NPHP3: variants seen among roughly 807,000 people sequenced by gnomAD.
NPHP3 encodes nephrocystin 3.
Under a neutral mutation model 171.9 loss-of-function variants are expected in NPHP3, and 123 were observed. That is an observed-to-expected ratio of 0.72 (90% confidence interval 0.62 to 0.83). The LOEUF (loss-of-function observed/expected upper bound fraction) is 0.83, where lower values mean the gene tolerates loss of function less well. Among genes scored for constraint, NPHP3 ranks in the 40% least tolerant of loss-of-function variants. The pLI is 0.00. For synonymous variants in NPHP3, 558 were observed against 579.2 expected (o/e 0.96, Z 0.52); for missense variants, 1,506 against 1,591.9 (o/e 0.95, Z 0.92).
intron 19 of NPHP3, among the ~76,000 whole-genome samples, chr3:132,689,609 C>T (rs187654995): frequency 3.3e-5 from 5 of 152,278 alleles, no homozygotes; most frequent in African/African-American, 1.2e-4. Context: ...GGGAATCTAT[C>T]TGAATCCTTT....
rs757866045 is a variant in NPHP3, at chr3:132,697,354, G to A, written c.1994C>T (p.Pro665Leu). The A allele has an allele frequency of 6.2e-7, 1 of 1,605,414 alleles. No individual in the cohort carries two copies. The highest frequency in any genetic ancestry group is 1.1e-5 in the South Asian group (1 of 90,870). The change falls in exon 14 of 27, where the codon CCT (proline) becomes CTT (leucine). Residue 665 changes from proline (P) to leucine (L), a missense_variant. Physicochemically the swap from Pro to Leu is moderately conservative, Grantham distance 98 (BLOSUM62 -3). Around this residue, in one of 3 missense-constraint regions of NPHP3, gnomAD observed 930 missense variants for 924.9 expected, o/e 1.01. Transcript: ENST00000337331. Reference sequence around the variant, plus strand: ...ACTTAAGGGATCAAGATGAAGTGTAGGCCACAACCTTTTATGTAAAGAAAA... The same window carrying A: ...ACTTAAGGGATCAAGATGAAGTGTAAGCCACAACCTTTTATGTAAAGAAAA... Reference protein sequence around the residue: ...ETCPPAWRLWPTLHLDPLSPK... With the variant: ...ETCPPAWRLWLTLHLDPLSPK...
intron 6 of NPHP3, among the ~76,000 whole-genome samples, chr3:132,711,157 G>C (rs73001974): frequency 0.021 from 3,247 of 152,298 alleles, 123 homozygotes; most frequent in African/African-American, 0.074. Flanking sequence ...GGATGGGGTA[G>C]TCATCAGGGT....
intron 6 of NPHP3, chr3:132,712,438 A>C (rs1008181249): frequency 2.2e-5 from 10 of 456,906 alleles, no homozygotes; most frequent in African/African-American, 2.0e-4. Context: ...GTAAAGATTC[A>C]ACTTTGCTAT....
In NPHP3 at chr3:132,696,595, T is replaced by C. The variant is rs576877973; in HGVS notation, c.2171+136A>G. ...CTGTAAGCCATGTTCTCACAAATGT[T>C]AGTATCACTATTCAAATAAAATCTG... On this transcript the variant is annotated intron_variant, in intron 15 of 26. Transcript: ENST00000337331. 134 of 770,036 alleles carry C rather than the reference T, an allele frequency of 1.7e-4. No individual in the cohort carries two copies. The South Asian group carries it at 1.8e-3, about 10-fold the overall frequency. 47.7% of individuals were successfully genotyped at this position (770,036 alleles called of 1,614,324 possible).
In NPHP3 at chr3:132,695,134, T is replaced by C. The variant is rs551854965; in HGVS notation, c.2172-169A>G. 6.1e-4 allele frequency: 378 copies of C among 616,834 alleles called. 1 individual carries two copies. Among genetic ancestry groups the C allele is most frequent in the Non-Finnish European group, 1.0e-3 (350 of 351,458 alleles). 38.2% of individuals were successfully genotyped at this position (616,834 alleles called of 1,614,324 possible). A position where few individuals can be genotyped will look rare whatever the true frequency, so the allele number is the denominator to read the frequency against. Reference sequence around the variant, plus strand: ...AGTTTTATGGGGCTGCTAGAGTCATTGGGTTTATTTTACTATATATAATTT... The same window carrying C: ...AGTTTTATGGGGCTGCTAGAGTCATCGGGTTTATTTTACTATATATAATTT... On this transcript the variant is annotated intron_variant, in intron 15 of 26. Transcript: ENST00000337331.
Position 132,713,211 on chromosome 3 carries a change from C to T in NPHP3, c.1033G>A (p.Val345Ile). The T allele has an allele frequency of 6.3e-7, 1 of 1,584,956 alleles. No individual in the cohort carries two copies. The highest frequency in any genetic ancestry group is 8.6e-7 in the Non-Finnish European group (1 of 1,157,750). ...FFHAVYFPID[V>I]ENQYLTVRKW... ...CTTACAGTGAGGTATTGATTTTCAA[C>T]ATCTATTGGAAAATAAACAGCATGG... is the stretch of plus-strand genomic sequence containing the variant. The change falls in exon 6 of 27, where the codon GTT becomes ATT. Residue 345 changes from valine to isoleucine, a missense_variant. This residue lies in a region of NPHP3 where 930 missense variants were observed against 924.9 expected (regional missense o/e 1.01). Transcript: ENST00000337331.
chr3:132,716,290 C>T (rs1940049891), intron 4 of NPHP3, among the ~76,000 whole-genome samples: 1 of 151,970 alleles, frequency 6.6e-6, no homozygotes, highest in African/African-American at 2.4e-5. Flanking sequence ...TTGTTATTTT[C>T]ATTGTTATTT....
In NPHP3 at chr3:132,696,736, G is replaced by T. The variant is rs368406864; in HGVS notation, c.2166C>A (p.Ile722=). Residue 722 remains isoleucine, a synonymous_variant, in exon 15 of 27, where the codon ATC becomes ATA. Coordinates refer to ENST00000337331, the MANE Select transcript of NPHP3 (RefSeq NM_153240.5). ...ALYVTLFGKM[I]ARAGRAGNLD... The stretch of plus-strand genomic sequence containing the variant: ...GTAAAATAATCACCACTCACCGCGC[G>T]ATCATTTTGCCGAAAAGGGTGACAT... 1.9e-6 allele frequency: 3 copies of T among 1,613,874 alleles called. No individual in the cohort carries two copies. Among genetic ancestry groups the T allele is most frequent in the African/African-American group, 2.7e-5 (2 of 75,020 alleles).
chr3:132,683,629 GA>G (rs200443262), intron 24 of NPHP3, 105 bp from the exon 25 acceptor site: 7 of 866,110 alleles, frequency 8.1e-6, no homozygotes, highest in South Asian at 3.4e-5. Flanking sequence ...AATTTTGAGG[GA>G]AAAAAATCTC....
intron 9 of NPHP3, among the ~76,000 whole-genome samples, chr3:132,702,965 C>T (rs1293300485): frequency 2.0e-5 from 3 of 152,190 alleles, no homozygotes; most frequent in African/African-American, 7.2e-5. Context: ...CGAGGTTCAA[C>T]TCCCAGATCT....
chr3:132,699,941 T>A lies in NPHP3; in HGVS notation c.1864A>T (p.Ile622Phe). 1 of 1,614,122 alleles carries A rather than the reference T, an allele frequency of 6.2e-7. No homozygotes were observed. The highest frequency in any genetic ancestry group is 8.5e-7 in the Non-Finnish European group (1 of 1,180,022). ...ARHQGSIIIV[I>F]DSIDQVQQVE... ...ACCTGAACTTGATCTATAGAATCAA[T>A]AACGATGATGATGCTGCCTTGATGA... The change falls in exon 12 of 27, where the codon ATT becomes TTT. Residue 622 changes from isoleucine to phenylalanine, a missense_variant. Coordinates refer to ENST00000337331, the MANE Select transcript of NPHP3 (RefSeq NM_153240.5).
chr3:132,722,230 G>C lies in NPHP3; in HGVS notation c.126C>G (p.Arg42=). The change falls in exon 1 of 27, where the codon CGC becomes CGG. Residue 42 remains arginine, a synonymous_variant. Coordinates refer to ENST00000337331, the MANE Select transcript of NPHP3 (RefSeq NM_153240.5). ...CCCCCGCGCCTCGGCGGAACGAGTT[G>C]CGCAGCAGGCGGGCCTTGGGCTTCA... is the stretch of plus-strand genomic sequence containing the variant. ...VEVKPKARLL[R]NSFRRGAGAA... The C allele has an allele frequency of 1.3e-6, 2 of 1,553,748 alleles. No homozygotes were observed. The highest frequency in any genetic ancestry group is 1.8e-4 in the Middle Eastern group (1 of 5,416).
intron 7 of NPHP3, among the ~76,000 whole-genome samples, chr3:132,706,478 T>C (rs1004132775): frequency 2.6e-5 from 4 of 151,960 alleles, no homozygotes; most frequent in Non-Finnish European, 4.4e-5. Context: ...TCAAAATGCA[T>C]CAAAATCCAA....
chr3:132,700,771 G>C (rs1239711568), intron 10 of NPHP3, among the ~76,000 whole-genome samples: 1 of 151,940 alleles, frequency 6.6e-6, no homozygotes, highest in Non-Finnish European at 1.5e-5. Flanking sequence ...AAATTTGTTA[G>C]ATACAAAAAT....
At chr3:132,721,861 G>T in intron 1 of NPHP3, 102 bp downstream of exon 1, 1 of 1,352,958 alleles carries the variant, frequency 7.4e-7, no homozygotes, top group Non-Finnish European at 1.0e-6. Context: ...AATTAAAATG[G>T]GCAGTTTCCG....
At chr3:132,711,360 C>T (rs1481414598) in intron 6 of NPHP3, among the ~76,000 whole-genome samples, 1 of 152,016 alleles carries the variant, frequency 6.6e-6, no homozygotes, top group Non-Finnish European at 1.5e-5. Flanking sequence ...AAATTAAAAT[C>T]CTCATTTCTT....
chr3:132,686,395 AAAC>A lies in NPHP3; in HGVS notation c.3202-11_3202-9del. 1 of 1,614,004 alleles carries A rather than the reference AAAC, an allele frequency of 6.2e-7. No individual in the cohort carries two copies. Among genetic ancestry groups the A allele is most frequent in the Non-Finnish European group, 8.5e-7 (1 of 1,179,922 alleles). ...TAAAAGGGCAAATCCGTACTGCAGC[AAAC>A]ATGAAAAATGAAAAGCAATCACTAA... On this transcript the variant is annotated splice_polypyrimidine_tract_variant and intron_variant, in intron 22 of 26. Transcript: ENST00000337331.
chr3:132,699,203 A>ATTTTTTTT, intron 13 of NPHP3, 150 bp downstream of exon 13: 4 of 625,142 alleles, frequency 6.4e-6, no homozygotes, highest in Admixed American at 2.6e-5. Flanking sequence ...TATAGATTGT[A>ATTTTTTTT]TTTTTTTTTC....
Position 132,684,632 on chromosome 3 carries a change from A to G in NPHP3, c.3492T>C (p.Ile1164=). 3 of 1,614,088 alleles carry G rather than the reference A, an allele frequency of 1.9e-6. No individual in the cohort carries two copies. The highest frequency in any genetic ancestry group is 2.5e-6 in the Non-Finnish European group (3 of 1,179,956). The part of the protein sequence containing the change: ...AEELYERALD[I]RRRALAPDHP... ...GATCAGGAGCTAATGCACGTCTCCG[A>G]ATATCTAAAGCTCTTTCATAAAGTT... The change falls in exon 24 of 27, where the codon ATT becomes ATC. Residue 1164 remains isoleucine (I), a synonymous_variant. Coordinates refer to ENST00000337331, the MANE Select transcript of NPHP3 (RefSeq NM_153240.5).
Sources: allele counts gnomAD v4.1 joint callset (sites outside exome capture counted in the v4.1 genomes callset), GRCh38; gene constraint gnomAD v4.1.1; regional missense constraint gnomAD v4.1.1; transcripts MANE v1.5; gene names NCBI Gene and HGNC (gene_info 2026-07-23, HGNC 2026-07-21).